Variants in RYR3 observed in about 807,000 individuals in gnomAD.
The protein encoded by RYR3 is brain ryanodine receptor-calcium release channel.
Under a neutral mutation model 584.3 loss-of-function variants are expected in RYR3, and 207 were observed. The ratio of observed to expected loss-of-function variants is 0.35; its 90% CI spans 0.32 to 0.40. The LOEUF (loss-of-function observed/expected upper bound fraction) is 0.40, where lower values mean the gene tolerates loss of function less well. Ranked by LOEUF, RYR3 falls within the 10% of genes least tolerant of loss-of-function variation. The pLI, the probability that RYR3 is intolerant of heterozygous loss-of-function variation, is 1.00. For synonymous variants in RYR3, 2,416 were observed against 2,248.5 expected (o/e 1.07, Z -2.11); for missense variants, 5,616 against 6,089.2 (o/e 0.92, Z 2.59).
intron 12 of RYR3, among the ~76,000 whole-genome samples, chr15:33,575,399 A>G (rs2058246532): frequency 6.6e-6 from 1 of 152,216 alleles, no homozygotes. Flanking sequence ...CAGCAAATGC[A>G]AAAGAAATGA....
rs58292418 is a variant in RYR3, at chr15:33,432,668, T to TTGTGTGTGTGTGTG, written c.52-40735_52-40722dup. Among the ~76,000 whole-genome samples, 870 of 132,182 alleles carry TTGTGTGTGTGTGTG rather than the reference T, an allele frequency of 6.6e-3. 6 individuals carry two copies. Among genetic ancestry groups the TTGTGTGTGTGTGTG allele is most frequent in the African/African-American group, 0.018 (574 of 31,674 alleles). 86.7% of individuals were successfully genotyped at this position (132,182 alleles called of 152,430 possible). On this transcript the variant is annotated intron_variant, in intron 1 of 103. Transcript: ENST00000634891. ...GGTGCCCACGACCACGCCTAGCTAA[T>TTGTGTGTGTGTGTG]TGTGTGTGTGTGTGTGTGTGTGTGT...
intron 86 of RYR3, among the ~76,000 whole-genome samples, chr15:33,834,005 C>T (rs562768840): frequency 7.2e-5 from 11 of 152,162 alleles, no homozygotes; most frequent in African/African-American, 1.9e-4. Context: ...TTATTGACCG[C>T]GCACTGTGGC....
At chr15:33,509,451 A>C (rs957117825) in intron 3 of RYR3, among the ~76,000 whole-genome samples, 1 of 152,206 alleles carries the variant, frequency 6.6e-6, no homozygotes, top group Admixed American at 6.5e-5. Flanking sequence ...TTGGTAATAG[A>C]ATTTATTTTG....
At chr15:33,641,482 T>C (rs2061821645) in intron 27 of RYR3, among the ~76,000 whole-genome samples, 1 of 152,242 alleles carries the variant, frequency 6.6e-6, no homozygotes. Flanking sequence ...TTACAAGATT[T>C]TTAAATGCCT....
chr15:33,375,944 G>T (rs2040699351), intron 1 of RYR3, among the ~76,000 whole-genome samples: 1 of 152,120 alleles, frequency 6.6e-6, no homozygotes, highest in South Asian at 2.1e-4. Context: ...GGCGCCTGTA[G>T]TTGCAGCTAC....
intron 42 of RYR3, among the ~76,000 whole-genome samples, chr15:33,705,925 T>G (rs1362611307): frequency 6.6e-6 from 1 of 152,236 alleles, no homozygotes; most frequent in Non-Finnish European, 1.5e-5. Context: ...TCCCCAGATG[T>G]ACGCTAGCTA....
chr15:33,431,777 G>A (rs1016749561), intron 1 of RYR3, among the ~76,000 whole-genome samples: 2 of 152,046 alleles, frequency 1.3e-5, no homozygotes, highest in African/African-American at 2.4e-5. Context: ...GATAGAAGAC[G>A]GAGGATAATC....
intron 32 of RYR3, 100 bp downstream of exon 32, chr15:33,652,983 C>T (rs2062580335): frequency 7.8e-7 from 1 of 1,274,674 alleles, no homozygotes; most frequent in Non-Finnish European, 1.1e-6. Context: ...CACAGTGTGT[C>T]AAGCTGATGA....
At chr15:33,827,980 G>A (rs1037509149) in intron 85 of RYR3, among the ~76,000 whole-genome samples, 2 of 152,124 alleles carry the variant, frequency 1.3e-5, no homozygotes, top group Non-Finnish European at 2.9e-5. Flanking sequence ...TTTACAAATC[G>A]AAGGTTTGTG....
chr15:33,686,558 C>A (rs1725159610), intron 38 of RYR3, among the ~76,000 whole-genome samples: 1 of 152,156 alleles, frequency 6.6e-6, no homozygotes, highest in African/African-American at 2.4e-5. Flanking sequence ...AAGAGGGAAT[C>A]CTCCCTTACT....
Position 33,812,822 on chromosome 15 carries a change from A to T in RYR3, c.10258-41A>T, listed in dbSNP as rs749148530. On this transcript the variant is annotated intron_variant, in intron 72 of 103. Transcript: ENST00000634891. The stretch of plus-strand genomic sequence containing the variant: ...AAAAGGCTTCTTCAGTATAAGAAGT[A>T]CAGGAAATTCCTCATCTTATGAGTA... 2.8e-5 allele frequency: 45 copies of T among 1,604,014 alleles called. 1 individual carries two copies. In the South Asian group the frequency reaches 4.5e-4, roughly 16 times the overall value.
In RYR3 at chr15:33,636,498, G is replaced by C. The variant is rs766495140; in HGVS notation, c.3504G>C (p.Leu1168=). The C allele has an allele frequency of 1.2e-6, 2 of 1,612,104 alleles. No individual in the cohort carries two copies. Among genetic ancestry groups the C allele is most frequent in the Admixed American group, 3.4e-5 (2 of 59,682 alleles). The change falls in exon 27 of 104, where the codon CTG becomes CTC. Residue 1168 remains leucine, a synonymous_variant. Transcript: ENST00000634891. ...TCTTCACACTGAATGGGGAGCTGCT[G>C]ATCACCAACAAAGGCTCTGAACTTG... ...SMIFTLNGEL[L]ITNKGSELAF... is the part of the protein sequence containing the mutation.
chr15:33,766,800 G>T (rs759592901), intron 60 of RYR3, among the ~76,000 whole-genome samples: 1 of 152,192 alleles, frequency 6.6e-6, no homozygotes, highest in African/African-American at 2.4e-5. Flanking sequence ...CCCTTTGCCC[G>T]TGGGTCTCAG....
At chr15:33,833,781 C>G (rs1215207859) in intron 86 of RYR3, among the ~76,000 whole-genome samples, 1 of 152,176 alleles carries the variant, frequency 6.6e-6, no homozygotes, top group East Asian at 1.9e-4. Flanking sequence ...TTTTAACAAA[C>G]TTACGTGATT....
chr15:33,531,345 T>C (rs1054172216), intron 4 of RYR3, among the ~76,000 whole-genome samples: 2 of 151,950 alleles, frequency 1.3e-5, no homozygotes, highest in Non-Finnish European at 2.9e-5. Context: ...AAATATAATT[T>C]TACAATATTT....
intron 1 of RYR3, among the ~76,000 whole-genome samples, chr15:33,355,000 A>G (rs1973768500): frequency 6.6e-6 from 1 of 152,146 alleles, no homozygotes; most frequent in African/African-American, 2.4e-5. Flanking sequence ...CCTGGCCAAC[A>G]TGGTGAAACC....
At chr15:33,661,994 G>A (rs556538341) in intron 34 of RYR3, among the ~76,000 whole-genome samples, 159 bp from the exon 35 acceptor site, 2 of 152,158 alleles carry the variant, frequency 1.3e-5, no homozygotes, top group Admixed American at 6.5e-5. Context: ...ACTGGAATAC[G>A]GACCAGAGCT....
intron 1 of RYR3, among the ~76,000 whole-genome samples, chr15:33,414,082 A>G (rs2043606841): frequency 6.6e-6 from 1 of 152,224 alleles, no homozygotes; most frequent in Non-Finnish European, 1.5e-5. Context: ...TCTACTTGTT[A>G]TATATTCGTA....
Position 33,853,640 on chromosome 15 carries a change from C to T in RYR3, c.13757C>T (p.Pro4586Leu). Residue 4586 changes from proline (P) to leucine (L), a missense_variant, in exon 96 of 104, where the codon CCA (proline) becomes CTA (leucine). Pro to Leu is a moderately conservative substitution (Grantham distance 98, BLOSUM62 -3). This residue lies in a region of RYR3 where 918 missense variants were observed against 887.4 expected (regional missense o/e 1.03). Transcript: ENST00000634891. ...GACAAAAATGCTCTTGACTTTAGCC[C>T]AGTAGAAGAGACCAAAGCAGAAGCG... Reference protein sequence around the residue: ...GLDKNALDFSPVEETKAEAAS... With the variant: ...GLDKNALDFSLVEETKAEAAS... 6.2e-7 allele frequency: 1 copy of T among 1,613,898 alleles called. No homozygotes were observed. The highest frequency in any genetic ancestry group is 8.5e-7 in the Non-Finnish European group (1 of 1,179,850).
Sources: allele counts gnomAD v4.1 joint callset (sites outside exome capture counted in the v4.1 genomes callset), GRCh38; gene constraint gnomAD v4.1.1; regional missense constraint gnomAD v4.1.1; transcripts MANE v1.5; gene names NCBI Gene and HGNC (gene_info 2026-07-23, HGNC 2026-07-21).